KIFAP3: variants seen among roughly 807,000 people sequenced by gnomAD.
KIFAP3 encodes kinesin associated protein 3, also known as kinesin-associated protein 3.
In KIFAP3, 68 loss-of-function variants were observed where a neutral mutation model predicts 106.5. The ratio of observed to expected loss-of-function variants is 0.64; its 90% CI spans 0.53 to 0.78. KIFAP3 has a LOEUF of 0.78. Ranked by LOEUF, KIFAP3 falls within the 30% of genes least tolerant of loss-of-function variation. KIFAP3 has a pLI of 0.00. For missense variants in KIFAP3, 780 were observed against 941.8 expected (o/e 0.83, Z 2.25); for synonymous variants, 320 against 311.5 (o/e 1.03, Z -0.29).
At chr1:170,084,782 A>G (rs995495460) in intron 1 of KIFAP3, among the ~76,000 whole-genome samples, 2 of 152,172 alleles carry the variant, frequency 1.3e-5, no homozygotes, top group African/African-American at 2.4e-5. Flanking sequence ...GGGCAAGATC[A>G]TGGAGAACCT....
chr1:170,005,738 A>G (rs1667921933), intron 10 of KIFAP3, among the ~76,000 whole-genome samples: 1 of 148,756 alleles, frequency 6.7e-6, no homozygotes. Flanking sequence ...GGATAGCATT[A>G]GGAGATATAC....
At chr1:169,953,970 A>T in intron 19 of KIFAP3, 41 bp downstream of exon 19, 1 of 1,374,934 alleles carries the variant, frequency 7.3e-7, no homozygotes, top group Non-Finnish European at 1.0e-6. Flanking sequence ...TCCAAAAGCA[A>T]CAGATACTAC....
chr1:169,989,094 A>C (rs551502528), intron 11 of KIFAP3, among the ~76,000 whole-genome samples: 1 of 152,072 alleles, frequency 6.6e-6, no homozygotes, highest in African/African-American at 2.4e-5. Flanking sequence ...TGGTAAGAAA[A>C]TATGCACGGA....
At chr1:170,026,590 AAAGAGT>A (rs1669113560) in intron 8 of KIFAP3, among the ~76,000 whole-genome samples, 1 of 152,226 alleles carries the variant, frequency 6.6e-6, no homozygotes, top group Admixed American at 6.5e-5. Flanking sequence ...AGTTCACAGA[AAAGAGT>A]ACTGAAGAAG....
At chr1:169,997,829 C>A (rs952143044) in intron 10 of KIFAP3, among the ~76,000 whole-genome samples, 2 of 146,890 alleles carry the variant, frequency 1.4e-5, no homozygotes, top group African/African-American at 5.1e-5. Flanking sequence ...GAGATCGTAC[C>A]ACTCCACTCC....
At chr1:169,933,599 G>A (rs1026197427) in intron 19 of KIFAP3, among the ~76,000 whole-genome samples, 2 of 152,060 alleles carry the variant, frequency 1.3e-5, no homozygotes, top group African/African-American at 4.8e-5. Context: ...CAAATTCAGT[G>A]TAGACTGGAA....
Position 170,038,973 on chromosome 1 carries a change from C to T in KIFAP3, c.375+260G>A, listed in dbSNP as rs546878103. 3.9e-5 allele frequency among the ~76,000 whole-genome samples: 6 copies of T among 152,292 alleles called. No individual in the cohort carries two copies. The South Asian group carries it at 1.0e-3, about 26-fold the overall frequency. ...TGGCACATGCCTGTAATCCCAGCTA[C>T]TCAGGAGGCTGAGGCAGGAAAATCG... On this transcript the variant is annotated intron_variant, in intron 4 of 19. Transcript: ENST00000361580.
intron 1 of KIFAP3, among the ~76,000 whole-genome samples, chr1:170,057,675 T>C (rs12076018): frequency 0.018 from 2,706 of 151,932 alleles, 78 homozygotes; most frequent in African/African-American, 0.062. Flanking sequence ...TGCTGAACTT[T>C]CAAGCTGAGT....
At chr1:170,031,454 T>C (rs1669407144) in intron 8 of KIFAP3, among the ~76,000 whole-genome samples, 1 of 151,740 alleles carries the variant, frequency 6.6e-6, no homozygotes, top group Admixed American at 6.6e-5. Context: ...GAAACCATAC[T>C]ATTGAAGTTT....
intron 10 of KIFAP3, among the ~76,000 whole-genome samples, chr1:169,998,358 G>A (rs375771004): frequency 6.9e-6 from 1 of 144,770 alleles, no homozygotes; most frequent in African/African-American, 2.6e-5. Context: ...AAAAGAAATC[G>A]GACTACAACT....
At chr1:169,974,505 T>G (rs1012190814) in intron 16 of KIFAP3, among the ~76,000 whole-genome samples, 1 of 151,958 alleles carries the variant, frequency 6.6e-6, no homozygotes. Context: ...GCTACATGGC[T>G]ATATTGCATA....
At position 170,074,503 on chromosome 1, in the gene KIFAP3, T is replaced by C; in HGVS notation, c.-36A>G. ...GCAGCGGCGTGGAGAGGATGGGGTA[T>C]CTTGAGAGGCAGGCGCGGTTATTTC... is the stretch of plus-strand genomic sequence containing the variant. On this transcript the variant is annotated 5_prime_UTR_variant, in exon 1 of 20. Transcript: ENST00000361580. 1.2e-6 allele frequency: 2 copies of C among 1,613,644 alleles called. No individual in the cohort carries two copies. The highest frequency in any genetic ancestry group is 2.2e-5 in the South Asian group (2 of 91,004).
chr1:170,032,787 TC>T (rs777087297), intron 7 of KIFAP3, among the ~76,000 whole-genome samples: 43 of 151,884 alleles, frequency 2.8e-4, no homozygotes, highest in Admixed American at 1.4e-3. Context: ...AGATACATTT[TC>T]CTCACATCTT....
intron 2 of KIFAP3, among the ~76,000 whole-genome samples, chr1:170,054,372 T>C (rs1670734165): frequency 6.6e-6 from 1 of 151,296 alleles, no homozygotes; most frequent in African/African-American, 2.4e-5. Context: ...AAATTGGAAT[T>C]GGTTTAACTA....
intron 15 of KIFAP3, 70 bp downstream of exon 15, chr1:169,981,901 AT>A (rs1304618673): frequency 4.0e-6 from 5 of 1,262,482 alleles, no homozygotes; most frequent in Non-Finnish European, 5.5e-6. Flanking sequence ...CAGACTCTGC[AT>A]TTTATATTTA....
intron 18 of KIFAP3, 46 bp from the exon 19 acceptor site, chr1:169,954,156 A>G (rs1361436172): frequency 7.2e-6 from 8 of 1,107,818 alleles, no homozygotes; most frequent in South Asian, 1.2e-5. Context: ...ATGTGTAGGA[A>G]AAACCTGTCT....
At chr1:169,964,394 G>C (rs1665495720) in intron 17 of KIFAP3, among the ~76,000 whole-genome samples, 2 of 152,160 alleles carry the variant, frequency 1.3e-5, no homozygotes, top group South Asian at 4.1e-4. Context: ...ATGTGGAAGA[G>C]GCAGTTAAAC....
In KIFAP3 at chr1:169,958,756, A is replaced by G. The variant is rs529395592; in HGVS notation, c.2173+2290T>C. Among the ~76,000 whole-genome samples the G allele has an allele frequency of 2.6e-4, 39 of 152,328 alleles. No homozygotes were observed. In the South Asian group the frequency reaches 3.9e-3, roughly 15 times the overall value. On this transcript the variant is annotated intron_variant, in intron 18 of 19. Coordinates refer to ENST00000361580, the MANE Select transcript of KIFAP3 (RefSeq NM_014970.4). ...ATGTAGTAGCAATACGGCTTTATAAATGACAAAATATTTCCTCTATGGGTA... is the reference window on the plus strand; with the variant it reads ...ATGTAGTAGCAATACGGCTTTATAAGTGACAAAATATTTCCTCTATGGGTA...
chr1:170,077,106 T>G (rs1387680785), upstream of KIFAP3, among the ~76,000 whole-genome samples: 1 of 152,102 alleles, frequency 6.6e-6, no homozygotes, highest in South Asian at 2.1e-4. Context: ...GCTAAAGGAT[T>G]GTAAACGCAC....
Sources: gnomAD v4.1 joint callset for allele counts (sites outside exome capture counted in the v4.1 genomes callset) on GRCh38, gnomAD v4.1.1 for gene constraint, MANE v1.5 for transcripts, NCBI Gene and HGNC (gene_info 2026-07-23, HGNC 2026-07-21) for gene names.